Variants in MAML2 observed in about 807,000 individuals in gnomAD.
MAML2 encodes the protein mastermind-like protein 2.
In MAML2, 22 loss-of-function variants were observed where a neutral mutation model predicts 96.1. That is an observed-to-expected ratio of 0.23 (90% CI 0.16 to 0.33). The LOEUF (loss-of-function observed/expected upper bound fraction) is 0.33. Ranked by LOEUF, MAML2 falls within the 10% of genes least tolerant of loss-of-function variation. The probability of loss-of-function intolerance (pLI) is 1.00; values close to 1 mark genes in which losing one functional copy is unlikely to be tolerated. For synonymous variants in MAML2, 561 were observed against 521.3 expected (o/e 1.08, Z -1.04); for missense variants, 1,367 against 1,392.4 (o/e 0.98, Z 0.29).
At chr11:96,042,756 T>C (rs1318241376) in intron 2 of MAML2, among the ~76,000 whole-genome samples, 1 of 148,854 alleles carries the variant, frequency 6.7e-6, no homozygotes, top group Non-Finnish European at 1.5e-5. Context: ...TTTTTTTTTT[T>C]TTTTTTGCGA....
intron 2 of MAML2, among the ~76,000 whole-genome samples, chr11:96,069,705 A>C (rs1481346636): frequency 1.3e-5 from 2 of 151,998 alleles, no homozygotes; most frequent in Non-Finnish European, 2.9e-5. Flanking sequence ...AATAAAATTC[A>C]TATAAATAAT....
intron 2 of MAML2, among the ~76,000 whole-genome samples, chr11:96,003,027 T>C (rs943568197): frequency 7.2e-5 from 9 of 125,192 alleles, no homozygotes; most frequent in African/African-American, 2.8e-4. Flanking sequence ...AAGATGATGA[T>C]GGGGATGAGG....
chr11:96,072,379 A>G (rs555119171), intron 2 of MAML2, among the ~76,000 whole-genome samples: 11 of 152,238 alleles, frequency 7.2e-5, no homozygotes, highest in African/African-American at 1.2e-4. Context: ...TGGATCCAGC[A>G]TTGATCTTGA....
chr11:96,256,646 GAGGTTAGGA>G (rs1411216303), intron 1 of MAML2, among the ~76,000 whole-genome samples: 1 of 152,194 alleles, frequency 6.6e-6, no homozygotes, highest in African/African-American at 2.4e-5. Context: ...GTAAGTTCAT[GAGGTTAGGA>G]ACTGTGTTTC....
intron 2 of MAML2, among the ~76,000 whole-genome samples, chr11:96,080,272 T>C (rs1415929358): frequency 6.6e-6 from 1 of 152,192 alleles, no homozygotes; most frequent in Non-Finnish European, 1.5e-5. Flanking sequence ...GTATCAGGTA[T>C]GGATGCATTT....
intron 2 of MAML2, among the ~76,000 whole-genome samples, chr11:96,081,105 C>T (rs1236035351): frequency 6.6e-6 from 1 of 152,060 alleles, no homozygotes; most frequent in Non-Finnish European, 1.5e-5. Context: ...TTAGGAAAAT[C>T]CTGAAAAGGC....
At chr11:96,330,530 C>A in intron 1 of MAML2, among the ~76,000 whole-genome samples, 1 of 152,166 alleles carries the variant, frequency 6.6e-6, no homozygotes, top group East Asian at 1.9e-4. Context: ...TACAAACCAC[C>A]CCAAAAGTTA....
At chr11:96,004,984 T>C (rs1858154396) in intron 2 of MAML2, among the ~76,000 whole-genome samples, 1 of 152,112 alleles carries the variant, frequency 6.6e-6, no homozygotes. Flanking sequence ...TAAAAGGGAT[T>C]GAGAAAGTGA....
chr11:96,166,752 T>C (rs1342451720), intron 1 of MAML2, among the ~76,000 whole-genome samples: 4 of 152,194 alleles, frequency 2.6e-5, no homozygotes, highest in Non-Finnish European at 5.9e-5. Flanking sequence ...TATCTAGAAC[T>C]TTTTAGAGGA....
At chr11:96,144,014 G>T (rs939578155) in intron 1 of MAML2, among the ~76,000 whole-genome samples, 2 of 152,102 alleles carry the variant, frequency 1.3e-5, no homozygotes, top group African/African-American at 4.8e-5. Context: ...TTGCTTGGGA[G>T]GTCTGGTAGA....
rs113459071 is a variant in MAML2, at chr11:96,319,970, T to C, written c.513+21413A>G. On this transcript the variant is annotated intron_variant, in intron 1 of 4. Coordinates refer to ENST00000524717, the MANE Select transcript of MAML2 (RefSeq NM_032427.4). ...ATTTTTCTGAATTTGGCAAAGTACCTACAGTGGCATCTCATTCAAAAAATC... is the reference window on the plus strand; with the variant it reads ...ATTTTTCTGAATTTGGCAAAGTACCCACAGTGGCATCTCATTCAAAAAATC... Among the ~76,000 whole-genome samples the C allele has an allele frequency of 8.8e-3, 1,338 of 152,320 alleles. 21 individuals carry two copies. The highest frequency in any genetic ancestry group is 0.03 in the African/African-American group (1,235 of 41,564).
At chr11:96,159,404 A>ATTTTTTTTTTTTTTTG (rs1157893034) in intron 1 of MAML2, among the ~76,000 whole-genome samples, 1 of 62,000 alleles carries the variant, frequency 1.6e-5, no homozygotes, top group African/African-American at 5.5e-5. Context: ...TAAACCACTG[A>ATTTTTTTTTTTTTTTG]TTCTTTTTTT....
At chr11:96,211,364 C>T (rs987446467) in intron 1 of MAML2, among the ~76,000 whole-genome samples, 4 of 150,452 alleles carry the variant, frequency 2.7e-5, no homozygotes, top group African/African-American at 4.9e-5. Context: ...TAATAATTGT[C>T]GTAAGTACAT....
intron 2 of MAML2, among the ~76,000 whole-genome samples, chr11:96,010,974 TG>T (rs1485971779): frequency 6.6e-6 from 1 of 152,252 alleles, no homozygotes; most frequent in Non-Finnish European, 1.5e-5. Flanking sequence ...TCCTTTAAAA[TG>T]TTCCATTGAT....
chr11:96,181,991 T>A (rs1317712882), intron 1 of MAML2, among the ~76,000 whole-genome samples: 3 of 152,212 alleles, frequency 2.0e-5, no homozygotes, highest in African/African-American at 7.2e-5. Context: ...TTAGAATTAC[T>A]TTTTCATTTG....
intron 2 of MAML2, among the ~76,000 whole-genome samples, chr11:96,015,580 AAAAAG>A (rs1315304177): frequency 1.1e-5 from 1 of 90,154 alleles, no homozygotes. Flanking sequence ...AAAAAAAAAA[AAAAAG>A]GGGGGGGGGG....
chr11:96,113,931 T>A (rs771919958), intron 1 of MAML2, among the ~76,000 whole-genome samples: 14 of 151,726 alleles, frequency 9.2e-5, no homozygotes, highest in Non-Finnish European at 1.9e-4. Context: ...AAACACCTAC[T>A]GGAAAAATTA....
intron 1 of MAML2, among the ~76,000 whole-genome samples, chr11:96,333,473 C>A (rs1387376806): frequency 6.6e-6 from 1 of 152,162 alleles, no homozygotes; most frequent in African/African-American, 2.4e-5. Context: ...CTAATCCTGT[C>A]ACTTCATAGA....
At chr11:96,115,638 G>A (rs949381570) in intron 1 of MAML2, among the ~76,000 whole-genome samples, 5 of 152,144 alleles carry the variant, frequency 3.3e-5, no homozygotes, top group East Asian at 1.9e-4. Flanking sequence ...TGTCATACAC[G>A]TGTTCAAGGA....
Sources: allele counts gnomAD v4.1 joint callset (sites outside exome capture counted in the v4.1 genomes callset), GRCh38; gene constraint gnomAD v4.1.1; transcripts MANE v1.5; gene names NCBI Gene and HGNC (gene_info 2026-07-23, HGNC 2026-07-21).